Variants in KLHDC1 observed in about 807,000 individuals in gnomAD.
KLHDC1 encodes the protein kelch domain containing 1.
In KLHDC1, 53 loss-of-function variants were observed where a neutral mutation model predicts 68.3. That is an observed-to-expected ratio of 0.78 (90% CI 0.62 to 0.98). The LOEUF (loss-of-function observed/expected upper bound fraction) is 0.98, where lower values mean the gene tolerates loss of function less well. Among genes scored for constraint, KLHDC1 ranks in the 50% least tolerant of loss-of-function variants. The pLI, the probability that KLHDC1 is intolerant of heterozygous loss-of-function variation, is 0.00. For synonymous variants in KLHDC1, 148 were observed against 159.0 expected (o/e 0.93, Z 0.52); for missense variants, 470 against 492.3 (o/e 0.95, Z 0.43).
chr14:49,734,667 T>A lies in KLHDC1; in HGVS notation c.896+6T>A. ...TTACCTAAAACAAGACCTAGGTAAG[T>A]CAAGAAATTGACAAATAGTAAAATA... On this transcript the variant is annotated splice_donor_region_variant and intron_variant, in intron 10 of 12. Transcript: ENST00000359332. 1 of 1,519,130 alleles carries A rather than the reference T, an allele frequency of 6.6e-7. No individual in the cohort carries two copies. Among genetic ancestry groups the A allele is most frequent in the South Asian group, 1.2e-5 (1 of 84,234 alleles). 94.1% of individuals were successfully genotyped at this position (1,519,130 alleles called of 1,614,324 possible). A position where few individuals can be genotyped will look rare whatever the true frequency, so the allele number is the denominator to read the frequency against.
intron 1 of KLHDC1, among the ~76,000 whole-genome samples, chr14:49,697,586 A>C (rs1350605082): frequency 6.6e-6 from 1 of 152,224 alleles, no homozygotes; most frequent in Non-Finnish European, 1.5e-5. Context: ...CAATTTATTT[A>C]AAAAATGCAA....
intron 12 of KLHDC1, among the ~76,000 whole-genome samples, chr14:49,744,290 ATATGTGTGTGTGTG>A (rs1463257797): frequency 2.0e-5 from 1 of 49,812 alleles, no homozygotes; most frequent in Non-Finnish European, 4.6e-5. Flanking sequence ...AAGCCTGTAT[ATATGTGTGTGTGTG>A]TGTGTGTGTG....
intron 4 of KLHDC1, among the ~76,000 whole-genome samples, chr14:49,713,833 TATATATA>T (rs1192520261): frequency 0.21 from 3,320 of 15,512 alleles, 871 homozygotes; most frequent in Non-Finnish European, 0.27. Flanking sequence ...TATATATATA[TATATATA>T]TATATATATA....
rs143438370 is a variant in KLHDC1, at chr14:49,741,390, C to A, written c.981+1208C>A. Among the ~76,000 whole-genome samples, 696 of 151,902 alleles carry A rather than the reference C, an allele frequency of 4.6e-3. 6 individuals are homozygous for A. The highest frequency in any genetic ancestry group is 0.016 in the African/African-American group (671 of 41,432). Reference sequence around the variant, plus strand: ...GCATGATCTCGGTTCGCTGCAGCCTCCACCTCCTGGGTTCAAGCGATTCTC... The same window carrying A: ...GCATGATCTCGGTTCGCTGCAGCCTACACCTCCTGGGTTCAAGCGATTCTC... On this transcript the variant is annotated intron_variant, in intron 11 of 12. Transcript: ENST00000359332.
At chr14:49,750,168 A>G (rs1889291055) in intron 12 of KLHDC1, among the ~76,000 whole-genome samples, 1 of 152,224 alleles carries the variant, frequency 6.6e-6, no homozygotes. Context: ...CCAGAGACAA[A>G]CAGCAGATTC....
At chr14:49,716,124 T>C (rs776705713) in intron 4 of KLHDC1, among the ~76,000 whole-genome samples, 11 of 152,174 alleles carry the variant, frequency 7.2e-5, no homozygotes, top group Non-Finnish European at 1.5e-4. Context: ...GAGGCAAACA[T>C]AGGACTGAAC....
In KLHDC1 at chr14:49,713,834, ATATATATATATATATATTTTTT is replaced by A. The variant is rs1236962497; in HGVS notation, c.404+3455_404+3476del. 3.4e-3 allele frequency among the ~76,000 whole-genome samples: 8 copies of A among 2,322 alleles called. No individual in the cohort carries two copies. In the East Asian group the frequency reaches 0.15, roughly 44 times the overall value. 1.5% of individuals were successfully genotyped at this position (2,322 alleles called of 152,430 possible). A position where few individuals can be genotyped will look rare whatever the true frequency, so the allele number is the denominator to read the frequency against. On this transcript the variant is annotated intron_variant, in intron 4 of 12. Coordinates refer to ENST00000359332, the MANE Select transcript of KLHDC1 (RefSeq NM_172193.3). Reference sequence around the variant, plus strand: ...TATATATATATATATATATATATATATATATATATATATATATTTTTTTTTTTTTTTTTCCTGAGACAGAGTC... The same window carrying A: ...TATATATATATATATATATATATATATTTTTTTTTTTCCTGAGACAGAGTC...
chr14:49,700,012 A>G (rs1594646669), intron 1 of KLHDC1: 1 of 358,292 alleles, frequency 2.8e-6, no homozygotes, highest in Non-Finnish European at 5.3e-6. Flanking sequence ...ACAATTGATA[A>G]TATGTTTTGC....
intron 10 of KLHDC1, among the ~76,000 whole-genome samples, chr14:49,735,973 C>T (rs923124845): frequency 1.3e-4 from 19 of 152,000 alleles, no homozygotes; most frequent in Non-Finnish European, 2.6e-4. Context: ...TGAGATTGTG[C>T]CACTGCACTC....
chr14:49,696,589 A>C (rs148912889), intron 1 of KLHDC1, among the ~76,000 whole-genome samples: 325 of 152,242 alleles, frequency 2.1e-3, no homozygotes, highest in African/African-American at 7.4e-3. Context: ...AATTGAAGAG[A>C]GTTAAGACCC....
intron 1 of KLHDC1, chr14:49,700,196 A>C: frequency 4.9e-6 from 1 of 205,886 alleles, no homozygotes; most frequent in South Asian, 5.3e-5. Context: ...CCAGGTAATT[A>C]CTGTATTTTT....
intron 1 of KLHDC1, among the ~76,000 whole-genome samples, chr14:49,694,233 A>G (rs1887668153): frequency 6.6e-6 from 1 of 152,194 alleles, no homozygotes; most frequent in Non-Finnish European, 1.5e-5. Context: ...ACAGAATTAT[A>G]GAAGCAAGAA....
At chr14:49,733,621 C>T (rs2139760533) in intron 9 of KLHDC1, among the ~76,000 whole-genome samples, 1 of 151,966 alleles carries the variant, frequency 6.6e-6, no homozygotes, top group Non-Finnish European at 1.5e-5. Flanking sequence ...TGGGGTTTCA[C>T]CATGTTGGCC....
At chr14:49,711,910 C>CT (rs992092493) in intron 4 of KLHDC1, among the ~76,000 whole-genome samples, 848 of 76,598 alleles carry the variant, frequency 0.011, 83 homozygotes, top group African/African-American at 0.02. Context: ...TTTTCTTTTT[C>CT]TTTTTTTTTT....
At position 49,709,694 on chromosome 14, in the gene KLHDC1, T is replaced by A; in HGVS notation, c.168-15T>A. On this transcript the variant is annotated splice_polypyrimidine_tract_variant and intron_variant, in intron 2 of 12. Coordinates refer to ENST00000359332, the MANE Select transcript of KLHDC1 (RefSeq NM_172193.3). ...TTCTGGAAAGTTATGGGATTCCATG[T>A]TATTCTTGCTGCAGGAGAATGCACC... 1 of 1,440,520 alleles carries A rather than the reference T, an allele frequency of 6.9e-7. No individual in the cohort carries two copies. Among genetic ancestry groups the A allele is most frequent in the Non-Finnish European group, 9.5e-7 (1 of 1,049,668 alleles). 89.2% of individuals were successfully genotyped at this position (1,440,520 alleles called of 1,614,324 possible). A position where few individuals can be genotyped will look rare whatever the true frequency, so the allele number is the denominator to read the frequency against.
chr14:49,723,719 G>C (rs146397479), intron 4 of KLHDC1, among the ~76,000 whole-genome samples, 155 bp from the exon 5 acceptor site: 219 of 152,126 alleles, frequency 1.4e-3, no homozygotes, highest in African/African-American at 5.1e-3. Flanking sequence ...TTCTGGAATT[G>C]GTTTATTTAG....
At chr14:49,696,676 A>G (rs761370971) in intron 1 of KLHDC1, among the ~76,000 whole-genome samples, 26 of 152,300 alleles carry the variant, frequency 1.7e-4, no homozygotes, top group African/African-American at 6.3e-4. Context: ...AACTTCCTCC[A>G]TGTCAGGAAT....
intron 4 of KLHDC1, among the ~76,000 whole-genome samples, chr14:49,713,813 TATATATATATATATATATATATATATATA>T (rs1566602693): frequency 5.3e-3 from 7 of 1,332 alleles, no homozygotes; most frequent in South Asian, 0.062. Context: ...TATATATATA[TATATATATATATATATATATATATATATA>T]TATATATATT....
chr14:49,741,379 C>T (rs1213515759), intron 11 of KLHDC1, among the ~76,000 whole-genome samples: 8 of 150,538 alleles, frequency 5.3e-5, no homozygotes, highest in East Asian at 2.0e-4. Flanking sequence ...GATCTCGGTT[C>T]GCTGCAGCCT....
Sources: gnomAD v4.1 joint callset for allele counts (sites outside exome capture counted in the v4.1 genomes callset) on GRCh38, gnomAD v4.1.1 for gene constraint, MANE v1.5 for transcripts, NCBI Gene and HGNC (gene_info 2026-07-23, HGNC 2026-07-21) for gene names.